The following KDM6A variants were observed in gnomAD, a reference collection of about 807,000 sequenced individuals.
KDM6A encodes the protein lysine demethylase 6A.
KDM6A carries 11 observed loss-of-function variants against 117.6 expected under a neutral mutation model. The observed-to-expected ratio is 0.09, with a 90% CI of 0.06 to 0.15. The LOEUF is 0.15. Among genes scored for constraint, KDM6A ranks in the 10% least tolerant of loss-of-function variants. KDM6A has a pLI of 1.00. For synonymous variants in KDM6A, 384 were observed against 396.1 expected (o/e 0.97, Z 0.36); for missense variants, 799 against 1,077.3 (o/e 0.74, Z 3.62).
At chrX:45,022,198 A>G (rs1160946265) in intron 6 of KDM6A, among the ~76,000 whole-genome samples, 1 of 112,060 alleles carries the variant, frequency 8.9e-6, no homozygotes, top group Non-Finnish European at 1.9e-5. Flanking sequence ...AAAGATGCAA[A>G]ATTCCATTTA....
At position 45,079,749 on chromosome X, in the gene KDM6A, T is replaced by G. The variant is rs759376457; in HGVS notation, c.3300+398T>G. ...TTAGTAGAAACTGGGTTTCACCATG[T>G]TGGCCAGGCTGGTCTCGAACTCCTG... On this transcript the variant is annotated intron_variant, in intron 21 of 29. Transcript: ENST00000611820. Among the ~76,000 whole-genome samples the G allele has an allele frequency of 2.7e-5, 3 of 112,148 alleles. No homozygotes were observed. The East Asian group carries it at 8.4e-4, about 31-fold the overall frequency.
At chrX:44,968,792 G>A (rs887605498) in intron 3 of KDM6A, among the ~76,000 whole-genome samples, 4 of 110,594 alleles carry the variant, frequency 3.6e-5, no homozygotes, top group African/African-American at 1.3e-4. Context: ...CCAACATGGA[G>A]AAACACCGTC....
intron 2 of KDM6A, among the ~76,000 whole-genome samples, chrX:44,884,517 G>A (rs1038147238): frequency 1.8e-5 from 2 of 111,992 alleles, no homozygotes; most frequent in Non-Finnish European, 3.8e-5. Flanking sequence ...AGTAGAAGTA[G>A]TAATACATTT....
At chrX:44,976,382 A>G (rs2039619037) in intron 4 of KDM6A, among the ~76,000 whole-genome samples, 2 of 111,377 alleles carry the variant, frequency 1.8e-5, no homozygotes, top group Admixed American at 9.6e-5. Flanking sequence ...TCCTGATAAT[A>G]TAGTCACCCC....
intron 2 of KDM6A, among the ~76,000 whole-genome samples, chrX:44,911,608 C>T (rs1489149274): frequency 8.9e-6 from 1 of 112,318 alleles, no homozygotes; most frequent in Non-Finnish European, 1.9e-5. Flanking sequence ...AGACGCTCCT[C>T]ACTTCCCAGA....
In KDM6A at chrX:45,055,791, A is replaced by G. The variant is rs1354749953; in HGVS notation, c.875+1836A>G. On this transcript the variant is annotated intron_variant, in intron 10 of 29. Transcript: ENST00000611820. ...TATATATGAAAATTTCTTTTAGCAT[A>G]GATTAAAACGAATGTATACTAGAAA... Among the ~76,000 whole-genome samples, 3 of 111,671 alleles carry G rather than the reference A, an allele frequency of 2.7e-5. No individual in the cohort carries two copies. The Admixed American group carries it at 2.9e-4, about 11-fold the overall frequency.
chrX:44,972,006 G>A (rs918465108), intron 3 of KDM6A, among the ~76,000 whole-genome samples: 1 of 110,239 alleles, frequency 9.1e-6, no homozygotes, highest in African/African-American at 3.3e-5. Flanking sequence ...CAGTACGCAG[G>A]GGTTTGGGGG....
rs369324804 is a variant in KDM6A at position 45,015,504 on chromosome X, C to G, written c.443+4485C>G. ...GAATTTCTACTCTCCTGTATAGTCA[C>G]TGCTTTGGGTTCAGTAAAGAAAAAG... On this transcript the variant is annotated intron_variant, in intron 5 of 29. Coordinates refer to ENST00000611820, the MANE Select transcript of KDM6A (RefSeq NM_001291415.2). 6.3e-5 allele frequency among the ~76,000 whole-genome samples: 7 copies of G among 111,296 alleles called. No homozygotes were observed. In the East Asian group the frequency reaches 8.5e-4, roughly 13 times the overall value.
chrX:44,887,009 A>G (rs2032950194), intron 2 of KDM6A, among the ~76,000 whole-genome samples: 1 of 101,979 alleles, frequency 9.8e-6, no homozygotes, highest in Non-Finnish European at 2.0e-5. Context: ...ACCTTGGCTC[A>G]CTGCAGCCTC....
At chrX:44,901,479 A>G (rs973541360) in intron 2 of KDM6A, among the ~76,000 whole-genome samples, 1 of 111,212 alleles carries the variant, frequency 9.0e-6, no homozygotes, top group Non-Finnish European at 1.9e-5. Context: ...GGAGTATTCT[A>G]TAGGTGGCTA....
chrX:44,893,140 A>T (rs1201378209), intron 2 of KDM6A, among the ~76,000 whole-genome samples: 1 of 109,693 alleles, frequency 9.1e-6, no homozygotes, highest in Non-Finnish European at 1.9e-5. Flanking sequence ...GCACCACTAC[A>T]CTCCTTCAGC....
rs2147974955 is a variant in KDM6A at position 45,061,335 on chromosome X, C to T, written c.1497C>T (p.Asp499=). 2 of 1,165,373 alleles carry T rather than the reference C, an allele frequency of 1.7e-6. No individual in the cohort carries two copies. The highest frequency in any genetic ancestry group is 2.3e-6 in the Non-Finnish European group (2 of 855,958). Residue 499 remains aspartate, a synonymous_variant, in exon 15 of 30, where the codon GAC becomes GAT. Coordinates refer to ENST00000611820, the MANE Select transcript of KDM6A (RefSeq NM_001291415.2). ...RTSSPTKNTS[D]NWSGGHAVSH... is the part of the protein sequence containing the mutation. ...TCGATTTTCCTCAGAATACTTCTGACAATTGGAGTGGTGGACATGCTGTGT... is the reference window on the plus strand; with the variant it reads ...TCGATTTTCCTCAGAATACTTCTGATAATTGGAGTGGTGGACATGCTGTGT...
In KDM6A at chrX:45,079,366, C is replaced by T. The variant is rs776296999; in HGVS notation, c.3300+15C>T. 1.1e-5 allele frequency: 12 copies of T among 1,116,109 alleles called. No homozygotes were observed. The African/African-American group carries it at 1.6e-4, about 15-fold the overall frequency. 92.0% of individuals were successfully genotyped at this position (1,116,109 alleles called of 1,213,427 possible). A position where few individuals can be genotyped will look rare whatever the true frequency, so the allele number is the denominator to read the frequency against. ...AATCATTGAGAGTAAGTATTTGTAT[C>T]CTAAAGATTATTTTAGGATTTTAAA... On this transcript the variant is annotated intron_variant, in intron 21 of 29. Coordinates refer to ENST00000611820, the MANE Select transcript of KDM6A (RefSeq NM_001291415.2).
intron 2 of KDM6A, among the ~76,000 whole-genome samples, chrX:44,903,468 C>T (rs766873109): frequency 1.7e-4 from 19 of 111,601 alleles, no homozygotes; most frequent in Admixed American, 9.5e-4. Context: ...GCTTTTTGGA[C>T]GTGAGATTAA....
At chrX:44,890,855 A>G (rs2033303249) in intron 2 of KDM6A, among the ~76,000 whole-genome samples, 1 of 108,769 alleles carries the variant, frequency 9.2e-6, no homozygotes, top group African/African-American at 3.4e-5. Context: ...AGGTTTCACC[A>G]TGTTGGCCAG....
chrX:45,104,978 T>C (rs2046472092), intron 27 of KDM6A, among the ~76,000 whole-genome samples: 1 of 111,817 alleles, frequency 8.9e-6, no homozygotes, highest in Non-Finnish European at 1.9e-5. Flanking sequence ...ATTGTAAATT[T>C]ACAGTCTAAG....
intron 27 of KDM6A, among the ~76,000 whole-genome samples, chrX:45,093,692 AT>A (rs891770205): frequency 3.6e-5 from 4 of 110,938 alleles, no homozygotes; most frequent in Non-Finnish European, 7.6e-5. Context: ...AATCACCTCT[AT>A]CATCTTTTCC....
chrX:45,097,621 T>C (rs912665930), intron 27 of KDM6A, among the ~76,000 whole-genome samples: 3 of 111,640 alleles, frequency 2.7e-5, no homozygotes, highest in African/African-American at 9.8e-5. Flanking sequence ...TGCACTGGGT[T>C]ATTTAATAAT....
intron 8 of KDM6A, among the ~76,000 whole-genome samples, chrX:45,043,204 C>CA (rs1408059293): frequency 4.5e-5 from 5 of 111,121 alleles, no homozygotes; most frequent in Non-Finnish European, 7.5e-5. Flanking sequence ...GTGGAAGGAT[C>CA]TCTTGAGCCT....
Sources: gnomAD v4.1 joint callset for allele counts (sites outside exome capture counted in the v4.1 genomes callset) on GRCh38, gnomAD v4.1.1 for gene constraint, MANE v1.5 for transcripts, NCBI Gene and HGNC (gene_info 2026-07-23, HGNC 2026-07-21) for gene names.